The following KLHL32 variants were observed in gnomAD, a reference collection of about 807,000 sequenced individuals.
The protein encoded by KLHL32 is kelch-like protein 32.
A neutral mutation model predicts 64.8 loss-of-function variants in KLHL32; 35 were observed. The observed-to-expected ratio is 0.54, with a 90% CI of 0.41 to 0.72. The LOEUF (loss-of-function observed/expected upper bound fraction) is 0.72. Among genes scored for constraint, KLHL32 ranks in the 30% least tolerant of loss-of-function variants. The pLI is 0.00. For synonymous variants in KLHL32, 259 were observed against 281.0 expected, an observed-to-expected ratio of 0.92 and a Z score of 0.78; for missense variants, 589 against 768.5, an observed-to-expected ratio of 0.77 and a Z score of 2.76.
At chr6:96,979,709 A>G (rs976734616) in intron 3 of KLHL32, among the ~76,000 whole-genome samples, 11 of 152,190 alleles carry the variant, frequency 7.2e-5, no homozygotes, top group Non-Finnish European at 1.2e-4. Flanking sequence ...CATCATTGGT[A>G]GTTTGATAGG....
intron 6 of KLHL32, among the ~76,000 whole-genome samples, chr6:97,094,425 A>G (rs934019725): frequency 3.3e-5 from 5 of 152,208 alleles, no homozygotes; most frequent in Non-Finnish European, 7.3e-5. Flanking sequence ...ACAAGGAAAA[A>G]TAACACCCTG....
chr6:96,911,048 C>A, the KLHL32 span, among the ~76,000 whole-genome samples: 1 of 152,032 alleles, frequency 6.6e-6, no homozygotes, highest in Admixed American at 6.6e-5. Flanking sequence ...AAACTGTACA[C>A]CTAATGCTTT....
At chr6:97,124,492 G>A (rs1798684846) in intron 7 of KLHL32, among the ~76,000 whole-genome samples, 1 of 152,138 alleles carries the variant, frequency 6.6e-6, no homozygotes, top group South Asian at 2.1e-4. Context: ...TGCCCTGCTT[G>A]GGAGAGGGGA....
chr6:96,914,595 G>A, the KLHL32 span: 1 of 152,184 alleles, frequency 6.6e-6, no homozygotes, highest in Non-Finnish European at 1.5e-5. Context: ...GCTGGGCAAA[G>A]CCTCAACACC....
intron 3 of KLHL32, among the ~76,000 whole-genome samples, chr6:97,026,860 C>A (rs1782782522): frequency 6.6e-6 from 1 of 151,992 alleles, no homozygotes; most frequent in East Asian, 1.9e-4. Flanking sequence ...CTAAAAAATT[C>A]TCTATAGAAA....
intron 6 of KLHL32, among the ~76,000 whole-genome samples, chr6:97,102,458 C>A (rs1227289970): frequency 6.6e-6 from 1 of 151,838 alleles, no homozygotes; most frequent in African/African-American, 2.4e-5. Flanking sequence ...CTAAATACCT[C>A]AGTGACCACA....
chr6:97,082,626 T>A (rs1238952976), intron 5 of KLHL32, among the ~76,000 whole-genome samples: 7 of 140,730 alleles, frequency 5.0e-5, no homozygotes, highest in Non-Finnish European at 7.9e-5. Context: ...AAAAAAAAAA[T>A]AAATAAATAA....
chr6:96,949,847 G>T (rs989913861), intron 1 of KLHL32, among the ~76,000 whole-genome samples: 1 of 152,016 alleles, frequency 6.6e-6, no homozygotes, highest in Non-Finnish European at 1.5e-5. Context: ...TAAATGGTTT[G>T]CCACTAATAA....
At chr6:97,095,416 A>G (rs567735474) in intron 6 of KLHL32, among the ~76,000 whole-genome samples, 9 of 152,354 alleles carry the variant, frequency 5.9e-5, no homozygotes, top group African/African-American at 2.2e-4. Context: ...TGTAAGTTTT[A>G]GGCAATGTAG....
At chr6:97,004,077 G>A (rs1362905096) in intron 3 of KLHL32, among the ~76,000 whole-genome samples, 1 of 152,138 alleles carries the variant, frequency 6.6e-6, no homozygotes, top group East Asian at 1.9e-4. Context: ...GGGAAGTATG[G>A]CCATTTAACA....
chr6:97,130,124 A>T (rs1799278373), intron 8 of KLHL32, among the ~76,000 whole-genome samples: 1 of 152,228 alleles, frequency 6.6e-6, no homozygotes, highest in Non-Finnish European at 1.5e-5. Context: ...TAGCGGCCTG[A>T]GGTACCCAAT....
chr6:96,946,337 CTTA>C (rs1771915322), intron 1 of KLHL32, among the ~76,000 whole-genome samples: 1 of 152,036 alleles, frequency 6.6e-6, no homozygotes, highest in Admixed American at 6.6e-5. Flanking sequence ...TTTTAAAGCA[CTTA>C]TTATCTCGTG....
intron 6 of KLHL32, among the ~76,000 whole-genome samples, chr6:97,108,978 T>C (rs1796772745): frequency 6.6e-6 from 1 of 152,176 alleles, no homozygotes; most frequent in Non-Finnish European, 1.5e-5. Context: ...CTTCGTAGAG[T>C]AACTAAATTC....
At chr6:97,098,962 T>C (rs1795342702) in intron 6 of KLHL32, among the ~76,000 whole-genome samples, 2 of 152,344 alleles carry the variant, frequency 1.3e-5, no homozygotes, top group Middle Eastern at 3.4e-3. Context: ...TCATATTAAC[T>C]TGTGGGATCT....
intron 1 of KLHL32, among the ~76,000 whole-genome samples, chr6:96,936,794 C>G (rs957012633): frequency 5.9e-5 from 9 of 152,188 alleles, no homozygotes; most frequent in Admixed American, 5.9e-4. Flanking sequence ...CTATCCCTCT[C>G]TTATCTCCCA....
At chr6:96,913,163 T>C in the KLHL32 span, among the ~76,000 whole-genome samples, 2 of 152,218 alleles carry the variant, frequency 1.3e-5, no homozygotes, top group Non-Finnish European at 2.9e-5. Flanking sequence ...AGGTACAGCC[T>C]TTTTGACAGT....
intron 6 of KLHL32, among the ~76,000 whole-genome samples, chr6:97,107,807 A>G: frequency 6.6e-6 from 1 of 152,230 alleles, no homozygotes; most frequent in East Asian, 1.9e-4. Context: ...TGTATGTGTG[A>G]ATAAAGGATT....
chr6:96,953,366 A>G (rs537601946), intron 1 of KLHL32, among the ~76,000 whole-genome samples: 1 of 152,314 alleles, frequency 6.6e-6, no homozygotes, highest in South Asian at 2.1e-4. Flanking sequence ...TTGTTGGCTC[A>G]TGCCTGTAAT....
chr6:97,091,348 G>A (rs1794192586), intron 6 of KLHL32, among the ~76,000 whole-genome samples: 1 of 152,168 alleles, frequency 6.6e-6, no homozygotes, highest in South Asian at 2.1e-4. Context: ...TTCTAATTCT[G>A]TTAGATGACA....
Sources: allele counts gnomAD v4.1 joint callset (sites outside exome capture counted in the v4.1 genomes callset), GRCh38; gene constraint gnomAD v4.1.1; transcripts MANE v1.5; gene names NCBI Gene and HGNC (gene_info 2026-07-23, HGNC 2026-07-21).